MYO19: variants seen among roughly 807,000 people sequenced by gnomAD.
The protein encoded by MYO19 is myosin XIX.
MYO19 carries 132 observed loss-of-function variants against 129.2 expected under a neutral mutation model. That is an observed-to-expected ratio of 1.02 (90% CI 0.89 to 1.18). The LOEUF (loss-of-function observed/expected upper bound fraction) is 1.18, where lower values mean the gene tolerates loss of function less well. Among genes scored for constraint, MYO19 ranks in the 50% most tolerant of loss-of-function variants. The pLI is 0.00. For synonymous variants in MYO19, 531 were observed against 477.2 expected (o/e 1.11, Z -1.47); for missense variants, 1,210 against 1,216.7 (o/e 0.99, Z 0.08).
At chr17:36,517,578 T>C (rs541376220) in intron 6 of MYO19, among the ~76,000 whole-genome samples, 1 of 152,340 alleles carries the variant, frequency 6.6e-6, no homozygotes, top group Admixed American at 6.5e-5. Flanking sequence ...TTTATTCATC[T>C]TTTCAGAGAA....
At chr17:36,536,958 C>A, upstream of MYO19, 1 of 683,458 alleles carries the variant, frequency 1.5e-6, no homozygotes, top group Non-Finnish European at 2.4e-6. Flanking sequence ...AGGGGAATCA[C>A]AAATCCTAGG....
intron 14 of MYO19, 78 bp downstream of exon 14, chr17:36,508,984 C>T (rs759275868): frequency 7.7e-7 from 1 of 1,291,878 alleles, no homozygotes; most frequent in South Asian, 1.2e-5. Context: ...ACACAGTGGA[C>T]CCAGGGCTCC....
rs754159333 is a variant in MYO19 at position 36,499,207 on chromosome 17, T to C, written c.2378-47A>G. The C allele has an allele frequency of 6.8e-6, 10 of 1,463,738 alleles. No homozygotes were observed. In the African/African-American group the frequency reaches 1.1e-4, roughly 16 times the overall value. The allele number at this position is 1,463,738 out of a possible 1,614,324, so 90.7% of individuals were successfully genotyped here. A position where few individuals can be genotyped will look rare whatever the true frequency, so the allele number is the denominator to read the frequency against. On this transcript the variant is annotated intron_variant, in intron 23 of 25. Coordinates refer to ENST00000614623, the MANE Select transcript of MYO19 (RefSeq NM_001163735.2). ...AGGAAAGAGATAATAAAGGGGCCAT[T>C]AGAGCTGTCAGTGACCTCGCTGCAG...
At chr17:36,528,975 C>T (rs2073664468) in intron 3 of MYO19, among the ~76,000 whole-genome samples, 1 of 152,052 alleles carries the variant, frequency 6.6e-6, no homozygotes, top group South Asian at 2.1e-4. Context: ...AACAGCTGTA[C>T]CTTCTGAGAG....
chr17:36,500,283 A>G (rs1243688909), intron 23 of MYO19: 4 of 152,598 alleles, frequency 2.6e-5, no homozygotes, highest in Non-Finnish European at 5.9e-5. Context: ...CATTAAATTT[A>G]TAATATTCTT....
Position 36,499,071 on chromosome 17 carries a change from T to A in MYO19, c.2463+4A>T, listed in dbSNP as rs755426257. 1 of 1,604,174 alleles carries A rather than the reference T, an allele frequency of 6.2e-7. No homozygotes were observed. The highest frequency in any genetic ancestry group is 2.2e-5 in the East Asian group (1 of 44,664). ...CCCACCCCGACTTCTTGGGTCTTAC[T>A]TACTCTCCACTTCTGCCATGCACGC... On this transcript the variant is annotated splice_donor_region_variant and intron_variant, in intron 24 of 25. Transcript: ENST00000614623.
Position 36,504,040 on chromosome 17 carries a change from G to GGGCAGGCACCTGCAGCATGGGGCC in MYO19, c.1906-44_1906-21dup, listed in dbSNP as rs2071714269. The GGGCAGGCACCTGCAGCATGGGGCC allele has an allele frequency of 6.5e-7, 1 of 1,545,052 alleles. No individual in the cohort carries two copies. Among genetic ancestry groups the GGGCAGGCACCTGCAGCATGGGGCC allele is most frequent in the African/African-American group, 1.4e-5 (1 of 73,152 alleles). Reference sequence around the variant, plus strand: ...CAGGACCTGCAAGGGTGGGGAGACAGGGCAGGCACCTGCAGCATGGGGCCA... The same window carrying GGGCAGGCACCTGCAGCATGGGGCC: ...CAGGACCTGCAAGGGTGGGGAGACAGGGCAGGCACCTGCAGCATGGGGCCGGCAGGCACCTGCAGCATGGGGCCA... On this transcript the variant is annotated intron_variant, in intron 19 of 25. Transcript: ENST00000614623.
At chr17:36,510,719 C>T (rs766951168) in intron 13 of MYO19, 27 bp downstream of exon 13, 2 of 1,567,086 alleles carry the variant, frequency 1.3e-6, no homozygotes, top group Middle Eastern at 1.7e-4. Flanking sequence ...GGGTCCTCCC[C>T]AACAAGGGGC....
In MYO19 at chr17:36,498,776, CAAGAT is replaced by C. The variant is rs914393204; in HGVS notation, c.2464-222_2464-218del. On this transcript the variant is annotated intron_variant, in intron 24 of 25. Coordinates refer to ENST00000614623, the MANE Select transcript of MYO19 (RefSeq NM_001163735.2). ...AGGCCTTACATATGCTACTTGAAAA[CAAGAT>C]AAGAGTCCATCAAGATATAACTGAT... The C allele has an allele frequency of 3.1e-4, 188 of 603,412 alleles. 2 individuals carry two copies. The highest frequency in any genetic ancestry group is 8.3e-4 in the East Asian group (30 of 36,186). The allele number at this position is 603,412 out of a possible 1,614,324, so 37.4% of individuals were successfully genotyped here.
chr17:36,542,115 G>A (rs1222527058), exon 2 of MYO19: 1 of 152,138 alleles, frequency 6.6e-6, no homozygotes, highest in Non-Finnish European at 1.5e-5. Flanking sequence ...TTAAGAATAC[G>A]TTTTCATTGA....
intron 6 of MYO19, among the ~76,000 whole-genome samples, chr17:36,523,036 A>C (rs1421344024): frequency 1.3e-5 from 2 of 148,868 alleles, no homozygotes; most frequent in East Asian, 1.9e-4. Context: ...AAAAAAAAAA[A>C]CTTTGCTGAG....
At position 36,529,696 on chromosome 17, in the gene MYO19, C is replaced by T. The variant is rs369716853; in HGVS notation, c.13-1494G>A. Among the ~76,000 whole-genome samples, 13 of 152,172 alleles carry T rather than the reference C, an allele frequency of 8.5e-5. No individual in the cohort carries two copies. In the East Asian group the frequency reaches 1.5e-3, roughly 18 times the overall value. On this transcript the variant is annotated intron_variant, in intron 3 of 25. Coordinates refer to ENST00000614623, the MANE Select transcript of MYO19 (RefSeq NM_001163735.2). ...AGCTATATCTATGCATATCCCTCTC[C>T]TTTTATGAAGGGGAAAAAAAAACCA...
At chr17:36,504,890 G>A in intron 19 of MYO19, 2 of 279,162 alleles carry the variant, frequency 7.2e-6, no homozygotes, top group Non-Finnish European at 1.4e-5. Context: ...TCCAGCCTGG[G>A]TGACAGAGTG....
chr17:36,510,627 G>T, intron 13 of MYO19, 119 bp downstream of exon 13: 1 of 1,145,244 alleles, frequency 8.7e-7, no homozygotes, highest in Non-Finnish European at 1.2e-6. Flanking sequence ...AGAGGAACCA[G>T]TCTGTCTTAT....
intron 6 of MYO19, among the ~76,000 whole-genome samples, chr17:36,523,134 C>T (rs918313242): frequency 6.8e-6 from 1 of 147,700 alleles, no homozygotes; most frequent in African/African-American, 2.5e-5. Flanking sequence ...CTGCAGTGGG[C>T]TGAGATTGTG....
rs763780389 is a variant in MYO19 at position 36,503,948 on chromosome 17, A to T, written c.1976+2T>A. 1 of 1,588,426 alleles carries T rather than the reference A, an allele frequency of 6.3e-7. No individual in the cohort carries two copies. The highest frequency in any genetic ancestry group is 8.6e-7 in the Non-Finnish European group (1 of 1,168,608). Reference sequence around the variant, plus strand: ...CACTGTGCCGTGATCGAGCCCACTCACCGGATGGGGAAGCCAGCAGCACTG... The same window carrying T: ...CACTGTGCCGTGATCGAGCCCACTCTCCGGATGGGGAAGCCAGCAGCACTG... On this transcript the variant is annotated splice_donor_variant, in intron 20 of 25. Coordinates refer to ENST00000614623, the MANE Select transcript of MYO19 (RefSeq NM_001163735.2). LOFTEE classifies it high-confidence loss of function.
intron 6 of MYO19, among the ~76,000 whole-genome samples, chr17:36,522,383 C>T (rs1193940744): frequency 6.6e-6 from 1 of 151,834 alleles, no homozygotes; most frequent in African/African-American, 2.4e-5. Flanking sequence ...TGGCAGGCGC[C>T]TGTAATCCCA....
At chr17:36,538,144 T>G, upstream of MYO19, 1 of 1,614,128 alleles carries the variant, frequency 6.2e-7, no homozygotes, top group Non-Finnish European at 8.5e-7. Flanking sequence ...CTGGCAGCTA[T>G]TAGCCTCTTC....
At chr17:36,540,298 A>G (rs2074190227) in intron 2 of MYO19, among the ~76,000 whole-genome samples, 1 of 151,966 alleles carries the variant, frequency 6.6e-6, no homozygotes, top group Non-Finnish European at 1.5e-5. Context: ...TGATCCTCCC[A>G]TCACAGCCTC....
Sources: allele counts gnomAD v4.1 joint callset (sites outside exome capture counted in the v4.1 genomes callset), GRCh38; gene constraint gnomAD v4.1.1; transcripts MANE v1.5; gene names NCBI Gene and HGNC (gene_info 2026-07-23, HGNC 2026-07-21).